The following HOOK3 variants were observed in gnomAD, a reference collection of about 807,000 sequenced individuals.
HOOK3 encodes the protein hook microtubule tethering protein 3.
Under a neutral mutation model 116.3 loss-of-function variants are expected in HOOK3, and 24 were observed. The observed-to-expected ratio is 0.21, with a 90% CI of 0.15 to 0.29. The LOEUF is 0.29. HOOK3 is among the 10% of genes least tolerant of loss of function. The pLI is 1.00. For synonymous variants in HOOK3, 275 were observed against 283.0 expected, an observed-to-expected ratio of 0.97 and a Z score of 0.28; for missense variants, 632 against 830.2, an observed-to-expected ratio of 0.76 and a Z score of 2.93.
At chr8:42,950,334 C>A in intron 5 of HOOK3, 54 bp from the exon 6 acceptor site, 1 of 1,172,320 alleles carries the variant, frequency 8.5e-7, no homozygotes, top group South Asian at 1.3e-5. Context: ...AGCCTTGATT[C>A]CCTTGACCAT....
intron 4 of HOOK3, among the ~76,000 whole-genome samples, chr8:42,938,902 G>T (rs1808031799): frequency 6.6e-6 from 1 of 152,004 alleles, no homozygotes; most frequent in Non-Finnish European, 1.5e-5. Context: ...CTTGAGATTA[G>T]CGAGTGGTGA....
intron 5 of HOOK3, among the ~76,000 whole-genome samples, chr8:42,943,807 A>G (rs770926032): frequency 1.3e-5 from 2 of 152,206 alleles, no homozygotes; most frequent in Non-Finnish European, 2.9e-5. Flanking sequence ...CCTTCCCAAC[A>G]TATATCTGTA....
chr8:42,928,975 G>T (rs1807821955), intron 3 of HOOK3, among the ~76,000 whole-genome samples: 1 of 152,176 alleles, frequency 6.6e-6, no homozygotes, highest in Admixed American at 6.5e-5. Context: ...CTGGGAGGCA[G>T]AGGTTGCAGT....
rs1032380865 is a variant in HOOK3 at position 43,028,108 on chromosome 8, A to G, written c.*9610A>G. ...ATATTTTTCTAAGAACAGATTCTCAATACTTTATTTTTCAAGTGATAAAAT... is the reference window on the plus strand; with the variant it reads ...ATATTTTTCTAAGAACAGATTCTCAGTACTTTATTTTTCAAGTGATAAAAT... On this transcript the variant is annotated 3_prime_UTR_variant, in exon 22 of 22. Transcript: ENST00000307602. 2.7e-5 allele frequency: 5 copies of G among 188,130 alleles called. No individual in the cohort carries two copies. The highest frequency in any genetic ancestry group is 4.7e-5 in the African/African-American group (2 of 42,874). 11.7% of individuals were successfully genotyped at this position (188,130 alleles called of 1,614,324 possible). A position where few individuals can be genotyped will look rare whatever the true frequency, so the allele number is the denominator to read the frequency against.
At chr8:42,981,053 A>T (rs1013682196) in intron 13 of HOOK3, among the ~76,000 whole-genome samples, 40 of 139,582 alleles carry the variant, frequency 2.9e-4, no homozygotes, top group Middle Eastern at 3.8e-3. Flanking sequence ...GTAAATAATA[A>T]TTTTTTTTTT....
chr8:42,960,425 T>C (rs1808514744), intron 8 of HOOK3, among the ~76,000 whole-genome samples: 1 of 152,210 alleles, frequency 6.6e-6, no homozygotes. Flanking sequence ...CAGCATGTTT[T>C]GCTGTGGAGA....
intron 13 of HOOK3, among the ~76,000 whole-genome samples, chr8:42,979,892 TC>T (rs1808903661): frequency 6.6e-6 from 1 of 152,152 alleles, no homozygotes; most frequent in Admixed American, 6.5e-5. Context: ...AACAGCATCC[TC>T]ATTGCTGCCT....
Position 43,024,783 on chromosome 8 carries a change from TA to T in HOOK3, c.*6291del. 5.0e-6 allele frequency: 1 copy of T among 200,264 alleles called. No homozygotes were observed. The highest frequency in any genetic ancestry group is 7.7e-5 in the East Asian group (1 of 12,998). 12.4% of individuals were successfully genotyped at this position (200,264 alleles called of 1,614,324 possible). A position where few individuals can be genotyped will look rare whatever the true frequency, so the allele number is the denominator to read the frequency against. ...AAATGCTGTTCAGTTCCCAGAAGCC[TA>T]AAAAACATAACATAATATGCTAACA... On this transcript the variant is annotated 3_prime_UTR_variant, in exon 22 of 22. Coordinates refer to ENST00000307602, the MANE Select transcript of HOOK3 (RefSeq NM_032410.4).
chr8:42,970,872 C>T (rs1268770457), intron 11 of HOOK3, among the ~76,000 whole-genome samples: 5 of 148,814 alleles, frequency 3.4e-5, no homozygotes, highest in African/African-American at 1.0e-4. Flanking sequence ...ACTGCAGCCT[C>T]GACCCCCCAG....
intron 11 of HOOK3, among the ~76,000 whole-genome samples, chr8:42,968,682 A>G (rs957177619): frequency 3.3e-5 from 5 of 152,090 alleles, no homozygotes; most frequent in Admixed American, 3.3e-4. Flanking sequence ...AAGAGCTTTA[A>G]ACTCTCCATA....
At chr8:42,980,576 A>T (rs1313197214) in intron 13 of HOOK3, among the ~76,000 whole-genome samples, 1 of 152,038 alleles carries the variant, frequency 6.6e-6, no homozygotes, top group Non-Finnish European at 1.5e-5. Flanking sequence ...TCATCATGGG[A>T]GTGGGACTGG....
chr8:42,960,114 T>C (rs1350852867), intron 8 of HOOK3, among the ~76,000 whole-genome samples: 1 of 152,228 alleles, frequency 6.6e-6, no homozygotes, highest in Admixed American at 6.5e-5. Flanking sequence ...GTTATACTAA[T>C]AAGATTTCAT....
intron 6 of HOOK3, among the ~76,000 whole-genome samples, chr8:42,953,832 T>C (rs1164278952): frequency 6.6e-6 from 1 of 152,146 alleles, no homozygotes; most frequent in Non-Finnish European, 1.5e-5. Flanking sequence ...CTTCATTTTA[T>C]AAAAAGAAAC....
At chr8:42,984,947 T>A (rs1381245195) in intron 14 of HOOK3, among the ~76,000 whole-genome samples, 1 of 152,222 alleles carries the variant, frequency 6.6e-6, no homozygotes, top group Non-Finnish European at 1.5e-5. Context: ...ATGGCTTTTC[T>A]GAGTATGACT....
At chr8:42,929,410 A>C (rs1462306587) in intron 3 of HOOK3, among the ~76,000 whole-genome samples, 1 of 152,204 alleles carries the variant, frequency 6.6e-6, no homozygotes, top group African/African-American at 2.4e-5. Flanking sequence ...AGGATGTCTC[A>C]ACTACAGACA....
chr8:43,018,371 A>G lies in HOOK3; in HGVS notation c.2030A>G (p.His677Arg). 1 of 1,601,518 alleles carries G rather than the reference A, an allele frequency of 6.2e-7. No individual in the cohort carries two copies. Among genetic ancestry groups the G allele is most frequent in the Non-Finnish European group, 8.5e-7 (1 of 1,176,474 alleles). Reference protein sequence around the residue: ...SAWYNMGMTLHKKAAEDRLAS... With the variant: ...SAWYNMGMTLRKKAAEDRLAS... The stretch of plus-strand genomic sequence containing the variant: ...TTAATGTTGCAGGGAATGACCCTGC[A>G]TAAAAAGGCAGCTGAAGATAGACTG... The change falls in exon 22 of 22, where the codon CAT (histidine) becomes CGT (arginine). Residue 677 changes from histidine (H) to arginine (R), a missense_variant. Around this residue, in one of 3 missense-constraint regions of HOOK3, gnomAD observed 483 missense variants for 648.1 expected, o/e 0.75. Coordinates refer to ENST00000307602, the MANE Select transcript of HOOK3 (RefSeq NM_032410.4).
intron 11 of HOOK3, among the ~76,000 whole-genome samples, chr8:42,971,817 A>G (rs1373274406): frequency 1.3e-5 from 2 of 152,040 alleles, no homozygotes; most frequent in Admixed American, 1.3e-4. Context: ...AGTAGCTGGG[A>G]TTACAGGAGT....
chr8:42,958,397 C>T (rs1391214516), intron 7 of HOOK3, among the ~76,000 whole-genome samples: 14 of 151,738 alleles, frequency 9.2e-5, no homozygotes, highest in Admixed American at 2.6e-4. Context: ...TTTTTTCATA[C>T]TTTGCTAATT....
At chr8:42,898,364 T>TA (rs1807099349) in intron 1 of HOOK3, among the ~76,000 whole-genome samples, 1 of 152,228 alleles carries the variant, frequency 6.6e-6, no homozygotes, top group Admixed American at 6.5e-5. Context: ...AGTATGTAGT[T>TA]AGCGTGCAGC....
Sources: gnomAD v4.1 joint callset for allele counts (sites outside exome capture counted in the v4.1 genomes callset) on GRCh38, gnomAD v4.1.1 for gene constraint, gnomAD v4.1.1 regional missense constraint, MANE v1.5 for transcripts, NCBI Gene and HGNC (gene_info 2026-07-23, HGNC 2026-07-21) for gene names.